Variants in STPG2 observed in about 807,000 individuals in gnomAD.
STPG2 encodes the protein sperm-tail PG-rich repeat-containing protein 2.
Under a neutral mutation model 54.2 loss-of-function variants are expected in STPG2, and 56 were observed. That is an observed-to-expected ratio of 1.03 (90% confidence interval 0.83 to 1.29). STPG2 has a LOEUF of 1.29. Among genes scored for constraint, STPG2 ranks in the 50% most tolerant of loss-of-function variants. The pLI is 0.00. For synonymous variants in STPG2, 200 were observed against 181.8 expected (o/e 1.10, Z -0.81); for missense variants, 596 against 544.9 (o/e 1.09, Z -0.93).
At chr4:97,452,667 C>A (rs143475242) in intron 4 of STPG2, among the ~76,000 whole-genome samples, 6 of 152,284 alleles carry the variant, frequency 3.9e-5, no homozygotes, top group African/African-American at 1.4e-4. Context: ...ACTCTAGGAC[C>A]GCCTATCTGC....
intron 8 of STPG2, chr4:97,893,285 G>A (rs1578661515): frequency 6.6e-6 from 1 of 151,770 alleles, no homozygotes; most frequent in African/African-American, 2.4e-5. Flanking sequence ...ACAAAAAAAA[G>A]ATCCCAAAAA....
At chr4:97,497,350 T>G (rs1354003409) in intron 4 of STPG2, among the ~76,000 whole-genome samples, 1 of 151,870 alleles carries the variant, frequency 6.6e-6, no homozygotes, top group Non-Finnish European at 1.5e-5. Flanking sequence ...TTAACATTAT[T>G]GATTATGTTA....
chr4:97,863,650 G>C (rs1045494436), intron 8 of STPG2, among the ~76,000 whole-genome samples: 5 of 152,098 alleles, frequency 3.3e-5, no homozygotes, highest in Non-Finnish European at 7.4e-5. Flanking sequence ...AACAAAAAAA[G>C]AGAATTTTAG....
intron 5 of STPG2, among the ~76,000 whole-genome samples, chr4:98,013,411 T>C (rs1170859689): frequency 6.6e-6 from 1 of 152,118 alleles, no homozygotes; most frequent in Non-Finnish European, 1.5e-5. Context: ...AAGTTTTCTT[T>C]TTTGTTGTGT....
At chr4:97,623,409 T>G (rs1381510803) in intron 10 of STPG2, among the ~76,000 whole-genome samples, 1 of 151,300 alleles carries the variant, frequency 6.6e-6, no homozygotes, top group Non-Finnish European at 1.5e-5. Context: ...AACCATAAAT[T>G]TACAACAGAA....
intron 10 of STPG2, among the ~76,000 whole-genome samples, chr4:97,685,940 A>T (rs1194520194): frequency 6.6e-6 from 1 of 152,242 alleles, no homozygotes; most frequent in Non-Finnish European, 1.5e-5. Flanking sequence ...GTCAGACTAT[A>T]TTAAATTGTC....
intron 4 of STPG2, among the ~76,000 whole-genome samples, chr4:97,511,415 T>A (rs1442254240): frequency 6.6e-6 from 1 of 151,992 alleles, no homozygotes; most frequent in African/African-American, 2.4e-5. Flanking sequence ...AGTAAAACAA[T>A]CCTGAGTTTC....
chr4:97,526,240 TTTAGAG>T (rs771598753), intron 4 of STPG2, among the ~76,000 whole-genome samples: 2 of 152,078 alleles, frequency 1.3e-5, no homozygotes, highest in African/African-American at 4.8e-5. Context: ...ACTCTAACAC[TTTAGAG>T]TTAGTTTCTC....
intron 8 of STPG2, among the ~76,000 whole-genome samples, chr4:97,886,724 G>A (rs10029409): frequency 2.0e-5 from 3 of 152,070 alleles, no homozygotes; most frequent in Admixed American, 6.5e-5. Flanking sequence ...AACTAATTTG[G>A]TTATTGATAT....
chr4:97,898,121 T>A (rs183318379), intron 8 of STPG2, among the ~76,000 whole-genome samples: 3 of 152,190 alleles, frequency 2.0e-5, no homozygotes, highest in Admixed American at 6.5e-5. Context: ...CTTCGGCATA[T>A]GGCTAGCCAG....
intron 8 of STPG2, among the ~76,000 whole-genome samples, chr4:97,888,731 C>T (rs1281040683): frequency 6.6e-6 from 1 of 152,080 alleles, no homozygotes; most frequent in Non-Finnish European, 1.5e-5. Flanking sequence ...GTGAGAAGAA[C>T]ATGAGACTTG....
chr4:97,776,748 G>A (rs1477935248), intron 9 of STPG2, among the ~76,000 whole-genome samples: 1 of 152,120 alleles, frequency 6.6e-6, no homozygotes, highest in African/African-American at 2.4e-5. Context: ...TATCTACTAT[G>A]TACTTTAATA....
At chr4:97,441,755 C>T (rs1042931883) in intron 4 of STPG2, among the ~76,000 whole-genome samples, 9 of 151,752 alleles carry the variant, frequency 5.9e-5, no homozygotes, top group African/African-American at 1.9e-4. Context: ...ATTTATTGTC[C>T]TTTTGACTCT....
intron 5 of STPG2, among the ~76,000 whole-genome samples, chr4:98,095,009 A>T (rs559969682): frequency 6.6e-6 from 1 of 152,220 alleles, no homozygotes; most frequent in African/African-American, 2.4e-5. Flanking sequence ...AATAGGACAT[A>T]AGGAAAAACA....
At chr4:98,120,564 G>A (rs1298398899) in intron 3 of STPG2, among the ~76,000 whole-genome samples, 2 of 152,084 alleles carry the variant, frequency 1.3e-5, no homozygotes, top group Non-Finnish European at 2.9e-5. Context: ...CTGCAACCTT[G>A]CCAGCATCTG....
At chr4:98,001,065 G>C (rs544444951) in intron 5 of STPG2, among the ~76,000 whole-genome samples, 2 of 152,016 alleles carry the variant, frequency 1.3e-5, no homozygotes, top group Non-Finnish European at 2.9e-5. Flanking sequence ...CTTTGATTCC[G>C]TATTACATCT....
At chr4:97,973,543 T>G (rs1003334714) in intron 6 of STPG2, among the ~76,000 whole-genome samples, 1 of 152,242 alleles carries the variant, frequency 6.6e-6, no homozygotes, top group African/African-American at 2.4e-5. Context: ...AGTTGAATGT[T>G]AATCCCCAAG....
At chr4:97,554,762 G>T (rs1732041430), downstream of STPG2, among the ~76,000 whole-genome samples, 1 of 152,106 alleles carries the variant, frequency 6.6e-6, no homozygotes, top group African/African-American at 2.4e-5. Flanking sequence ...TGTTTTTAAT[G>T]ATTTTGTCAC....
chr4:98,042,245 G>A (rs1448612324), intron 5 of STPG2, among the ~76,000 whole-genome samples: 1 of 150,686 alleles, frequency 6.6e-6, no homozygotes, highest in Non-Finnish European at 1.5e-5. Flanking sequence ...TCTAGTGAGT[G>A]GTTTATCAAT....
Sources: allele counts gnomAD v4.1 joint callset (sites outside exome capture counted in the v4.1 genomes callset), GRCh38; gene constraint gnomAD v4.1.1; transcripts MANE v1.5; gene names NCBI Gene and HGNC (gene_info 2026-07-23, HGNC 2026-07-21).